DUSP29: variants seen among roughly 807,000 people sequenced by gnomAD.
The protein encoded by DUSP29 is atypical dual-specific protein phosphatase.
DUSP29 carries 12 observed loss-of-function variants against 13.5 expected under a neutral mutation model. The observed-to-expected ratio is 0.89, with a 90% CI of 0.57 to 1.44. The LOEUF (loss-of-function observed/expected upper bound fraction) is 1.44, where lower values mean the gene tolerates loss of function less well. DUSP29 is among the 40% of genes most tolerant of loss of function. The pLI is 0.00. For synonymous variants in DUSP29, 134 were observed against 128.7 expected (o/e 1.04, Z -0.28); for missense variants, 308 against 301.1 (o/e 1.02, Z -0.17).
At chr10:75,040,016 CT>C (rs1188750235) in intron 3 of DUSP29, among the ~76,000 whole-genome samples, 5 of 152,044 alleles carry the variant, frequency 3.3e-5, no homozygotes, top group Non-Finnish European at 1.5e-5. Context: ...CCTGTCTCTA[CT>C]AAAAAATACA....
chr10:75,069,060 C>G (rs1177070470), intron 1 of DUSP29, among the ~76,000 whole-genome samples: 1 of 151,910 alleles, frequency 6.6e-6, no homozygotes, highest in East Asian at 1.9e-4. Flanking sequence ...TACAGAAGAG[C>G]CTTCATTTTA....
chr10:75,052,483 A>G (rs12255475), intron 2 of DUSP29, among the ~76,000 whole-genome samples: 11,045 of 151,530 alleles, frequency 0.073, 886 homozygotes, highest in African/African-American at 0.18. Flanking sequence ...ATTTTTTTGT[A>G]TTTTTAGTGG....
At chr10:75,064,533 G>GT (rs1297508626) in intron 1 of DUSP29, among the ~76,000 whole-genome samples, 1 of 151,968 alleles carries the variant, frequency 6.6e-6, no homozygotes, top group Non-Finnish European at 1.5e-5. Context: ...AACAAAAAAA[G>GT]TTTTTTGTAG....
chr10:75,070,863 G>C (rs1847314049), intron 1 of DUSP29, among the ~76,000 whole-genome samples: 1 of 152,188 alleles, frequency 6.6e-6, no homozygotes, highest in African/African-American at 2.4e-5. Context: ...ACTGTGGAAC[G>C]GGTAGGCCCA....
intron 2 of DUSP29, among the ~76,000 whole-genome samples, chr10:75,050,712 T>C (rs1363722956): frequency 6.6e-6 from 1 of 152,242 alleles, no homozygotes; most frequent in Non-Finnish European, 1.5e-5. Context: ...GTTCCACTTG[T>C]GGCAGATTCA....
At chr10:75,055,355 T>C (rs1300740342) in intron 2 of DUSP29, among the ~76,000 whole-genome samples, 1 of 152,212 alleles carries the variant, frequency 6.6e-6, no homozygotes, top group Non-Finnish European at 1.5e-5. Flanking sequence ...GTGCCTTTTT[T>C]ATTCTGAACT....
intron 2 of DUSP29, among the ~76,000 whole-genome samples, chr10:75,046,466 C>T (rs1846709309): frequency 1.3e-5 from 2 of 152,254 alleles, no homozygotes; most frequent in South Asian, 2.1e-4. Flanking sequence ...GAGGAAGCCT[C>T]ACACCAGAAA....
chr10:75,045,613 C>T (rs749111804), intron 2 of DUSP29, among the ~76,000 whole-genome samples: 1 of 152,084 alleles, frequency 6.6e-6, no homozygotes, highest in East Asian at 1.9e-4. Flanking sequence ...GGAGAGAAAG[C>T]GTTTCATCCA....
intron 1 of DUSP29, among the ~76,000 whole-genome samples, chr10:75,069,361 G>T (rs920679391): frequency 2.6e-5 from 4 of 152,280 alleles, no homozygotes; most frequent in East Asian, 1.9e-4. Flanking sequence ...GGCCCGTTGT[G>T]GTTCCTGAAT....
At chr10:75,052,548 C>A (rs907321574) in intron 2 of DUSP29, among the ~76,000 whole-genome samples, 5 of 152,256 alleles carry the variant, frequency 3.3e-5, no homozygotes, top group Admixed American at 3.3e-4. Flanking sequence ...ACCTCGTAAT[C>A]CGCCTGCCTC....
chr10:75,053,752 T>C (rs1846895654), intron 2 of DUSP29, among the ~76,000 whole-genome samples: 1 of 152,084 alleles, frequency 6.6e-6, no homozygotes, highest in Admixed American at 6.6e-5. Context: ...TGGTGAGAAC[T>C]TGGGCTGGTC....
chr10:75,050,626 G>A (rs1307260560), intron 2 of DUSP29, among the ~76,000 whole-genome samples: 1 of 152,252 alleles, frequency 6.6e-6, no homozygotes, highest in Non-Finnish European at 1.5e-5. Context: ...CATAGTTGGT[G>A]GCCACCCACA....
chr10:75,047,080 T>G (rs1217240495), intron 2 of DUSP29, among the ~76,000 whole-genome samples: 2 of 152,188 alleles, frequency 1.3e-5, no homozygotes, highest in African/African-American at 4.8e-5. Flanking sequence ...CACACCAGGC[T>G]GACGTTGGTT....
At chr10:75,042,703 T>C (rs1846612166) in intron 3 of DUSP29, among the ~76,000 whole-genome samples, 1 of 152,248 alleles carries the variant, frequency 6.6e-6, no homozygotes, top group African/African-American at 2.4e-5. Context: ...TCTGATATTG[T>C]CCAGCAGACC....
intron 3 of DUSP29, among the ~76,000 whole-genome samples, chr10:75,042,280 G>T (rs112959624): frequency 6.6e-6 from 1 of 152,230 alleles, no homozygotes; most frequent in African/African-American, 2.4e-5. Context: ...TGTCTTCTCC[G>T]AAGCCTGCCA....
intron 3 of DUSP29, 30 bp from the exon 4 acceptor site, chr10:75,038,107 A>C: frequency 6.3e-7 from 1 of 1,597,936 alleles, no homozygotes; most frequent in East Asian, 2.2e-5. Flanking sequence ...GAGAAAACCC[A>C]CACTGAGGGG....
intron 2 of DUSP29, among the ~76,000 whole-genome samples, chr10:75,047,559 G>A (rs77671227): frequency 0.032 from 4,891 of 152,294 alleles, 135 homozygotes; most frequent in East Asian, 0.08. Context: ...TGGAGAAAAG[G>A]CCGTGTGCCC....
intron 2 of DUSP29, among the ~76,000 whole-genome samples, chr10:75,049,931 A>G (rs1471167934): frequency 6.6e-6 from 1 of 152,244 alleles, no homozygotes; most frequent in Non-Finnish European, 1.5e-5. Context: ...AGGCCTTGGC[A>G]GGAATCTGAG....
At chr10:75,043,711 G>T in intron 3 of DUSP29, 86 bp downstream of exon 3, 1 of 1,243,724 alleles carries the variant, frequency 8.0e-7, no homozygotes, top group Non-Finnish European at 1.1e-6. Context: ...AGTGGGGCGG[G>T]GAAGGGGCGG....
Sources: allele counts gnomAD v4.1 joint callset (sites outside exome capture counted in the v4.1 genomes callset), GRCh38; gene constraint gnomAD v4.1.1; transcripts MANE v1.5; gene names NCBI Gene and HGNC (gene_info 2026-07-23, HGNC 2026-07-21).